The following SV2C variants were observed in gnomAD, a reference collection of about 807,000 sequenced individuals.
SV2C encodes solute carrier family 22 member B3.
In SV2C, 49 loss-of-function variants were observed where a neutral mutation model predicts 79.7. That is an observed-to-expected ratio of 0.61 (90% CI 0.49 to 0.78). SV2C has a LOEUF of 0.78. Ranked by LOEUF, SV2C falls within the 30% of genes least tolerant of loss-of-function variation. The pLI is 0.00. For synonymous variants in SV2C, 334 were observed against 333.2 expected, an observed-to-expected ratio of 1.00 and a Z score of -0.03; for missense variants, 833 against 912.9, an observed-to-expected ratio of 0.91 and a Z score of 1.13.
the SV2C span, among the ~76,000 whole-genome samples, chr5:76,037,360 T>C: frequency 6.6e-6 from 1 of 152,234 alleles, no homozygotes; most frequent in African/African-American, 2.4e-5. Context: ...TCTGTTTTTT[T>C]CCCCATCTTT....
At chr5:75,850,400 T>C in the SV2C span, among the ~76,000 whole-genome samples, 6 of 152,234 alleles carry the variant, frequency 3.9e-5, no homozygotes, top group Non-Finnish European at 5.9e-5. Flanking sequence ...AAAATACTTA[T>C]GTTTTTATTA....
At chr5:75,921,477 T>A in the SV2C span, 28 of 798,234 alleles carry the variant, frequency 3.5e-5, no homozygotes, top group Middle Eastern at 2.9e-3. Context: ...GCAGTCGGTC[T>A]CTGGGTTGAA....
chr5:76,217,368 C>T (rs1398877943), intron 4 of SV2C, among the ~76,000 whole-genome samples: 1 of 152,164 alleles, frequency 6.6e-6, no homozygotes. Flanking sequence ...CTCAACCAGA[C>T]AGATATTCAA....
intron 12 of SV2C, among the ~76,000 whole-genome samples, chr5:76,344,018 CAAAT>C (rs144353765): frequency 0.29 from 44,544 of 151,774 alleles, 8,161 homozygotes; most frequent in Middle Eastern, 0.47. Context: ...AAGACCATCT[CAAAT>C]AACAACCGCA....
intron 2 of SV2C, among the ~76,000 whole-genome samples, chr5:76,174,819 G>A (rs1476042927): frequency 6.6e-6 from 1 of 152,204 alleles, no homozygotes; most frequent in East Asian, 1.9e-4. Context: ...ATAAGCAAGG[G>A]TCCTCCTGTT....
chr5:75,890,901 A>G, the SV2C span, among the ~76,000 whole-genome samples: 1 of 151,964 alleles, frequency 6.6e-6, no homozygotes, highest in African/African-American at 2.4e-5. Flanking sequence ...GCCTTCCCCT[A>G]CCATTTGTTT....
chr5:75,968,563 A>G, the SV2C span, among the ~76,000 whole-genome samples: 6 of 152,248 alleles, frequency 3.9e-5, no homozygotes, highest in Non-Finnish European at 2.9e-5. Context: ...ATCAACTGGA[A>G]GAAAGGGTAT....
intron 1 of SV2C, among the ~76,000 whole-genome samples, chr5:76,117,346 T>C (rs1296926767): frequency 6.6e-6 from 1 of 152,244 alleles, no homozygotes; most frequent in East Asian, 1.9e-4. Flanking sequence ...TAAACTTCAC[T>C]GAGTTACATA....
rs558276166 is a variant in SV2C, at chr5:76,121,389, A to T, written c.-101-10261A>T. On this transcript the variant is annotated intron_variant, in intron 1 of 12. Transcript: ENST00000502798. Reference sequence around the variant, plus strand: ...TTAGTTTAATTAGATCCCATTTGTCAATTTTGGCTTTTGTTGCCATTGCTT... The same window carrying T: ...TTAGTTTAATTAGATCCCATTTGTCTATTTTGGCTTTTGTTGCCATTGCTT... Among the ~76,000 whole-genome samples, 1,196 of 150,990 alleles carry T rather than the reference A, an allele frequency of 7.9e-3. 25 individuals are homozygous for T. Among genetic ancestry groups the T allele is most frequent in the African/African-American group, 0.027 (1,124 of 40,972 alleles).
the SV2C span, among the ~76,000 whole-genome samples, chr5:75,915,894 G>T: frequency 1.3e-5 from 2 of 152,152 alleles, no homozygotes; most frequent in Admixed American, 1.3e-4. Context: ...AGGAGAAAGA[G>T]AATGAATATA....
chr5:76,199,766 A>C (rs955090630), intron 3 of SV2C, among the ~76,000 whole-genome samples: 1 of 152,206 alleles, frequency 6.6e-6, no homozygotes, highest in African/African-American at 2.4e-5. Flanking sequence ...CTCAATTCTT[A>C]CTTGATCTGT....
chr5:76,301,512 T>A lies in SV2C; in HGVS notation c.1967T>A (p.Val656Glu). 6.2e-7 allele frequency: 1 copy of A among 1,613,940 alleles called. No individual in the cohort carries two copies. Among genetic ancestry groups the A allele is most frequent in the Non-Finnish European group, 8.5e-7 (1 of 1,179,912 alleles). Residue 656 changes from valine (V) to glutamate (E), a missense_variant, in exon 12 of 13, where the codon GTG (valine) becomes GAG (glutamate). Physicochemically the swap from Val to Glu is moderately radical, Grantham distance 121. Transcript: ENST00000502798. ...LTISAWNSLD[V>E]VTVELYPTDR... The stretch of plus-strand genomic sequence containing the variant: ...ATCTCAGCCTGGAACTCTCTTGACG[T>A]GGTCACTGTGGAACTGTACCCCACA...
At chr5:76,252,574 T>C (rs1355766098) in intron 4 of SV2C, among the ~76,000 whole-genome samples, 1 of 152,262 alleles carries the variant, frequency 6.6e-6, no homozygotes, top group African/African-American at 2.4e-5. Context: ...CTCTGGGCTC[T>C]GAACAAAGAG....
At chr5:76,295,143 A>G (rs1747702160) in intron 8 of SV2C, among the ~76,000 whole-genome samples, 1 of 152,174 alleles carries the variant, frequency 6.6e-6, no homozygotes, top group African/African-American at 2.4e-5. Context: ...TGTAAATAAT[A>G]GGAATTTTAT....
chr5:75,926,445 A>C, the SV2C span, among the ~76,000 whole-genome samples: 3 of 152,222 alleles, frequency 2.0e-5, no homozygotes, highest in Non-Finnish European at 4.4e-5. Context: ...TTTGGTTCAA[A>C]GAGTGATACC....
At chr5:76,274,452 A>G (rs1342981379) in intron 4 of SV2C, among the ~76,000 whole-genome samples, 1 of 152,188 alleles carries the variant, frequency 6.6e-6, no homozygotes, top group East Asian at 1.9e-4. Context: ...ATAAAAACTG[A>G]TATGTTTTAT....
At chr5:76,018,170 C>T in the SV2C span, among the ~76,000 whole-genome samples, 2 of 152,208 alleles carry the variant, frequency 1.3e-5, no homozygotes, top group Middle Eastern at 6.8e-3. Flanking sequence ...GATTCTGAAG[C>T]CATTTAATAG....
At chr5:76,060,087 ATGT>A in the SV2C span, among the ~76,000 whole-genome samples, 1 of 152,200 alleles carries the variant, frequency 6.6e-6, no homozygotes, top group Non-Finnish European at 1.5e-5. Context: ...CTGTAAACAG[ATGT>A]GCTGTCGCTC....
At chr5:76,087,995 A>C (rs190738966) in intron 1 of SV2C, among the ~76,000 whole-genome samples, 7 of 152,322 alleles carry the variant, frequency 4.6e-5, no homozygotes, top group African/African-American at 1.4e-4. Flanking sequence ...ATAAAGGCTG[A>C]AAACCTTTGC....
Sources: allele counts gnomAD v4.1 joint callset (sites outside exome capture counted in the v4.1 genomes callset), GRCh38; gene constraint gnomAD v4.1.1; transcripts MANE v1.5; gene names NCBI Gene and HGNC (gene_info 2026-07-23, HGNC 2026-07-21).